BCKDK: variants seen among roughly 807,000 people sequenced by gnomAD.
BCKDK encodes branched chain keto acid dehydrogenase kinase.
BCKDK carries 28 observed loss-of-function variants against 43.9 expected under a neutral mutation model. That is an observed-to-expected ratio of 0.64 (90% CI 0.47 to 0.87). BCKDK has a LOEUF of 0.87. Ranked by LOEUF, BCKDK falls within the 40% of genes least tolerant of loss-of-function variation. The pLI, the probability that BCKDK is intolerant of heterozygous loss-of-function variation, is 0.00. For missense variants in BCKDK, 483 were observed against 581.4 expected (o/e 0.83, Z 1.74); for synonymous variants, 257 against 234.3 (o/e 1.10, Z -0.88).
rs1267915490 is a variant in BCKDK, at chr16:31,110,991, C to T, written c.717-100C>T. 6 of 1,552,650 alleles carry T rather than the reference C, an allele frequency of 3.9e-6. No homozygotes were observed. In the African/African-American group the frequency reaches 6.8e-5, roughly 18 times the overall value. ...GCCTAGTTGTGACAAACAAAAATGT[C>T]TCTGCACATTGCCATATGTTACTTA... On this transcript the variant is annotated intron_variant, in intron 8 of 11. Coordinates refer to ENST00000219794, the MANE Select transcript of BCKDK (RefSeq NM_005881.4). The surrounding 1 kb of genome is among the most constrained non-coding windows in gnomAD (Gnocchi z 5.4).
Position 31,109,960 on chromosome 16 carries a change from G to C in BCKDK, c.376-117G>C, listed in dbSNP as rs949353223. 1 of 1,475,214 alleles carries C rather than the reference G, an allele frequency of 6.8e-7. No homozygotes were observed. Among genetic ancestry groups the C allele is most frequent in the African/African-American group, 1.4e-5 (1 of 72,176 alleles). The allele number at this position is 1,475,214 out of a possible 1,614,324, so 91.4% of individuals were successfully genotyped here. Reference sequence around the variant, plus strand: ...TCACGGAGCCTGGAAGGGTCGAAGTGGGGGTTTGATCACGTGGTCGACCAG... The same window carrying C: ...TCACGGAGCCTGGAAGGGTCGAAGTCGGGGTTTGATCACGTGGTCGACCAG... On this transcript the variant is annotated intron_variant, in intron 4 of 11. Transcript: ENST00000219794. The surrounding 1 kb of genome is among the most constrained non-coding windows in gnomAD (Gnocchi z 5.3).
At position 31,109,735 on chromosome 16, in the gene BCKDK, C is replaced by A. The variant is rs2057394491; in HGVS notation, c.327C>A (p.Phe109Leu). The A allele has an allele frequency of 1.9e-6, 3 of 1,613,964 alleles. No individual in the cohort carries two copies. Among genetic ancestry groups the A allele is most frequent in the Non-Finnish European group, 2.5e-6 (3 of 1,180,022 alleles). Residue 109 changes from phenylalanine to leucine, a missense_variant, in exon 4 of 12, where the codon TTC (phenylalanine) becomes TTA (leucine). Coordinates refer to ENST00000219794, the MANE Select transcript of BCKDK (RefSeq NM_005881.4). The surrounding 1 kb of genome is among the most constrained non-coding windows in gnomAD (Gnocchi z 5.3). ...GGATTGCTCACCGCATCAAGGGCTTCCGCTGCCTTCCTTTCATCATTGGCT... is the reference window on the plus strand; with the variant it reads ...GGATTGCTCACCGCATCAAGGGCTTACGCTGCCTTCCTTTCATCATTGGCT... ...PVRIAHRIKGFRCLPFIIGCN... is the reference protein window; with the variant it reads ...PVRIAHRIKGLRCLPFIIGCN...
Position 31,109,848 on chromosome 16 carries a change from G to A in BCKDK, c.375+65G>A. Reference sequence around the variant, plus strand: ...CCCGGGGGCAAGTGGGGAGTCTGGGGCCCAGAGTGGCAGACGATTGCTTGC... The same window carrying A: ...CCCGGGGGCAAGTGGGGAGTCTGGGACCCAGAGTGGCAGACGATTGCTTGC... On this transcript the variant is annotated intron_variant, in intron 4 of 11. Coordinates refer to ENST00000219794, the MANE Select transcript of BCKDK (RefSeq NM_005881.4). The surrounding 1 kb of genome is among the most constrained non-coding windows in gnomAD (Gnocchi z 5.3). The A allele has an allele frequency of 2.0e-6, 3 of 1,536,720 alleles. No individual in the cohort carries two copies. The highest frequency in any genetic ancestry group is 1.8e-6 in the Non-Finnish European group (2 of 1,112,304).
At chr16:31,115,224 T>G (rs1253866608), downstream of BCKDK, among the ~76,000 whole-genome samples, 1 of 130,454 alleles carries the variant, frequency 7.7e-6, no homozygotes, top group South Asian at 2.4e-4. Context: ...CGCCCAGTCT[T>G]TTTTTTTTTT....
chr16:31,115,516 C>G (rs2057440253), downstream of BCKDK, among the ~76,000 whole-genome samples: 1 of 152,038 alleles, frequency 6.6e-6, no homozygotes, highest in Non-Finnish European at 1.5e-5. Flanking sequence ...AGCCACTGCG[C>G]CCAGCCTCCT....
chr16:31,112,120 G>C lies in BCKDK; in HGVS notation c.1095-1G>C. Reference sequence around the variant, plus strand: ...TGTCCTGTCCCCCTGCCCACCCCCAGCTTTGGCTTCGGGTTGCCCACGTCA... The same window carrying C: ...TGTCCTGTCCCCCTGCCCACCCCCACCTTTGGCTTCGGGTTGCCCACGTCA... On this transcript the variant is annotated splice_acceptor_variant, in intron 11 of 11. Transcript: ENST00000219794. LOFTEE classifies it high-confidence loss of function. The surrounding 1 kb of genome is among the most constrained non-coding windows in gnomAD (Gnocchi z 5.0). 3.1e-6 allele frequency: 5 copies of C among 1,608,616 alleles called. No individual in the cohort carries two copies. The highest frequency in any genetic ancestry group is 4.3e-6 in the Non-Finnish European group (5 of 1,176,320).
At chr16:31,114,345 TG>T (rs2057435012), downstream of BCKDK, among the ~76,000 whole-genome samples, 1 of 116,920 alleles carries the variant, frequency 8.6e-6, no homozygotes, top group Non-Finnish European at 1.6e-5. Flanking sequence ...CCCGAGTAGC[TG>T]GGATTACAGG....
rs753178162 is a variant in BCKDK at position 31,110,641 on chromosome 16, G to T, written c.643-47G>T. ...AGTTCCGAAGTTGCCAGCATCTTGG[G>T]GTGGGGCTAGGGGCGTGGGTAGTCC... On this transcript the variant is annotated intron_variant, in intron 7 of 11. Coordinates refer to ENST00000219794, the MANE Select transcript of BCKDK (RefSeq NM_005881.4). The surrounding 1 kb of genome is among the most constrained non-coding windows in gnomAD (Gnocchi z 5.4). 1.2e-6 allele frequency: 2 copies of T among 1,604,996 alleles called. No homozygotes were observed. Among genetic ancestry groups the T allele is most frequent in the Admixed American group, 3.3e-5 (2 of 59,978 alleles).
chr16:31,111,524 G>A, intron 10 of BCKDK, 135 bp downstream of exon 10: 1 of 1,020,498 alleles, frequency 9.8e-7, no homozygotes, highest in Non-Finnish European at 1.5e-6. Flanking sequence ...ACTATTCTCT[G>A]AATCCTGAGA....
In BCKDK at chr16:31,112,576, C is replaced by A. The variant is rs1307469217; in HGVS notation, c.*311C>A. 1.2e-5 allele frequency: 6 copies of A among 482,096 alleles called. No homozygotes were observed. Among genetic ancestry groups the A allele is most frequent in the African/African-American group, 9.8e-5 (5 of 51,148 alleles). 29.9% of individuals were successfully genotyped at this position (482,096 alleles called of 1,614,324 possible). A position where few individuals can be genotyped will look rare whatever the true frequency, so the allele number is the denominator to read the frequency against. On this transcript the variant is annotated 3_prime_UTR_variant, in exon 12 of 12. Coordinates refer to ENST00000219794, the MANE Select transcript of BCKDK (RefSeq NM_005881.4). This position sits in a 1 kb window ranked among gnomAD's most constrained non-coding sequence, Gnocchi z 5.0. ...TCACATTTTGAATGCCCTCTCGGGC[C>A]CCGTGTGTGGGGAGGGCAGGTGAAC... is the stretch of plus-strand genomic sequence containing the variant.
Position 31,112,383 on chromosome 16 carries a change from C to T in BCKDK, c.*118C>T, listed in dbSNP as rs1163576096. Reference sequence around the variant, plus strand: ...ACTGCTGCATCTTGGGTCTCAGGGACCCAGACAGATGGACTTACATGGAGC... The same window carrying T: ...ACTGCTGCATCTTGGGTCTCAGGGATCCAGACAGATGGACTTACATGGAGC... On this transcript the variant is annotated 3_prime_UTR_variant, in exon 12 of 12. Transcript: ENST00000219794. The surrounding 1 kb of genome is among the most constrained non-coding windows in gnomAD (Gnocchi z 5.0). The T allele has an allele frequency of 6.7e-6, 10 of 1,492,738 alleles. No individual in the cohort carries two copies. The highest frequency in any genetic ancestry group is 1.2e-5 in the South Asian group (1 of 86,494). The allele number at this position is 1,492,738 out of a possible 1,614,324, so 92.5% of individuals were successfully genotyped here. A position where few individuals can be genotyped will look rare whatever the true frequency, so the allele number is the denominator to read the frequency against.
chr16:31,109,684 G>C lies in BCKDK; in HGVS notation c.276G>C (p.Arg92=), dbSNP rs1481755081. 1 of 1,613,912 alleles carries C rather than the reference G, an allele frequency of 6.2e-7. No individual in the cohort carries two copies. The highest frequency in any genetic ancestry group is 1.3e-5 in the African/African-American group (1 of 74,932). Residue 92 remains arginine, a synonymous_variant, in exon 4 of 12, where the codon CGG becomes CGC. Coordinates refer to ENST00000219794, the MANE Select transcript of BCKDK (RefSeq NM_005881.4). This position sits in a 1 kb window ranked among gnomAD's most constrained non-coding sequence, Gnocchi z 5.3. ...TCATTTTCTCCCAGAAAAGTGCTCG[G>C]TACCTGCAGCAAGAACTTCCAGTGA... is the stretch of plus-strand genomic sequence containing the variant. The part of the protein sequence containing the change: ...QDGSHLLKSA[R]YLQQELPVRI...
At position 31,109,522 on chromosome 16, in the gene BCKDK, C is replaced by T; in HGVS notation, c.207C>T (p.Arg69=). The T allele has an allele frequency of 6.2e-7, 1 of 1,614,140 alleles. No individual in the cohort carries two copies. The highest frequency in any genetic ancestry group is 1.1e-5 in the South Asian group (1 of 91,082). ...IDAAAEKPSV[R]LTPTMMLYAG... ...CTCTCCCTCTCTAGCCCTCAGTCCG[C>T]CTAACGCCCACCATGATGCTCTACG... is the stretch of plus-strand genomic sequence containing the variant. Residue 69 remains arginine, a synonymous_variant, in exon 3 of 12, where the codon CGC becomes CGT. Transcript: ENST00000219794. This position sits in a 1 kb window ranked among gnomAD's most constrained non-coding sequence, Gnocchi z 5.3.
At chr16:31,117,402 T>TA (rs1567432265), downstream of BCKDK, 15 of 180,868 alleles carry the variant, frequency 8.3e-5, no homozygotes, top group South Asian at 1.0e-3. Flanking sequence ...ATAAATAAAT[T>TA]AAAAAAAGGT....
chr16:31,109,510 G>A lies in BCKDK; in HGVS notation c.196-1G>A. The A allele has an allele frequency of 6.2e-7, 1 of 1,614,102 alleles. No homozygotes were observed. Among genetic ancestry groups the A allele is most frequent in the Non-Finnish European group, 8.5e-7 (1 of 1,180,024 alleles). On this transcript the variant is annotated splice_acceptor_variant, in intron 2 of 11. Transcript: ENST00000219794. LOFTEE classifies it high-confidence loss of function. This position sits in a 1 kb window ranked among gnomAD's most constrained non-coding sequence, Gnocchi z 5.3. ...TGCTCAAGGCCTCTCTCCCTCTCTA[G>A]CCCTCAGTCCGCCTAACGCCCACCA...
downstream of BCKDK, chr16:31,117,513 C>T: frequency 2.1e-6 from 1 of 477,726 alleles, no homozygotes; most frequent in Non-Finnish European, 3.5e-6. Flanking sequence ...GACTGCCGCA[C>T]ACTCAACATC....
chr16:31,110,040 A>C lies in BCKDK; in HGVS notation c.376-37A>C, dbSNP rs1212489782. On this transcript the variant is annotated intron_variant, in intron 4 of 11. Transcript: ENST00000219794. The surrounding 1 kb of genome is among the most constrained non-coding windows in gnomAD (Gnocchi z 5.4). ...GGTGGCTGTTCTCTGCTCAGTGCCCATGCGGCTTTGTGAATTCCCACACCT... is the reference window on the plus strand; with the variant it reads ...GGTGGCTGTTCTCTGCTCAGTGCCCCTGCGGCTTTGTGAATTCCCACACCT... 1 of 1,614,068 alleles carries C rather than the reference A, an allele frequency of 6.2e-7. No individual in the cohort carries two copies. Among genetic ancestry groups the C allele is most frequent in the Non-Finnish European group, 8.5e-7 (1 of 1,180,000 alleles).
chr16:31,117,610 C>A, downstream of BCKDK: 2 of 1,225,570 alleles, frequency 1.6e-6, no homozygotes, highest in Non-Finnish European at 2.1e-6. Context: ...GAGGAGCCCG[C>A]CCCACGCACT....
In BCKDK at chr16:31,111,880, G is replaced by A. The variant is rs886306366; in HGVS notation, c.947G>A (p.Arg316His). 4 of 1,614,020 alleles carry A rather than the reference G, an allele frequency of 2.5e-6. No individual in the cohort carries two copies. The highest frequency in any genetic ancestry group is 1.3e-5 in the African/African-American group (1 of 74,932). The stretch of plus-strand genomic sequence containing the variant: ...TGCCATCTTGCTAGGATCTCAGACC[G>A]TGGTGGAGGAATCGCTCACAAAGAT... ...DVDLIIRISD[R>H]GGGIAHKDLD... The change falls in exon 11 of 12, where the codon CGT becomes CAT. Residue 316 changes from arginine to histidine, a missense_variant. Arg to His is a conservative substitution (Grantham distance 29, BLOSUM62 0). Coordinates refer to ENST00000219794, the MANE Select transcript of BCKDK (RefSeq NM_005881.4).
Sources: gnomAD v4.1 joint callset for allele counts (sites outside exome capture counted in the v4.1 genomes callset) on GRCh38, gnomAD v4.1.1 for gene constraint, Gnocchi (gnomAD v3.1) non-coding constraint, MANE v1.5 for transcripts, NCBI Gene and HGNC (gene_info 2026-07-23, HGNC 2026-07-21) for gene names.